IMMP2L: variants seen among roughly 807,000 people sequenced by gnomAD.
IMMP2L encodes inner mitochondrial membrane peptidase subunit 2.
IMMP2L carries 18 observed loss-of-function variants against 19.3 expected under a neutral mutation model. That is an observed-to-expected ratio of 0.93 (90% confidence interval 0.64 to 1.38). IMMP2L has a LOEUF of 1.38. Ranked by LOEUF, IMMP2L falls within the 40% of genes most tolerant of loss-of-function variation. The probability of loss-of-function intolerance (pLI) is 0.00; values close to 1 mark genes in which losing one functional copy is unlikely to be tolerated. For missense variants in IMMP2L, 233 were observed against 218.2 expected, an observed-to-expected ratio of 1.07 and a Z score of -0.43; for synonymous variants, 76 against 73.0, an observed-to-expected ratio of 1.04 and a Z score of -0.21.
chr7:111,234,102 AATCTTGATGTGTT>A (rs1184627378), intron 3 of IMMP2L, among the ~76,000 whole-genome samples: 5 of 152,066 alleles, frequency 3.3e-5, no homozygotes, highest in African/African-American at 1.2e-4. Flanking sequence ...ACATCCCACA[AATCTTGATGTGTT>A]TTCATTTTCA....
In IMMP2L at chr7:110,758,565, C is replaced by T. The variant is rs1259528755; in HGVS notation, c.409-94844G>A. Among the ~76,000 whole-genome samples, 2 of 152,012 alleles carry T rather than the reference C, an allele frequency of 1.3e-5. No homozygotes were observed. Among genetic ancestry groups the T allele is most frequent in the East Asian group, 3.9e-4 (2 of 5,162 alleles). ...CCTGGCTATGAGCAAGAAGAGGTCT[C>T]AGGGCATGTGACATTGAGCTATTTA... On this transcript the variant is annotated intron_variant, in intron 5 of 5. Coordinates refer to ENST00000405709, the MANE Select transcript of IMMP2L (RefSeq NM_032549.4). This position sits in a 1 kb window ranked among gnomAD's most constrained non-coding sequence, Gnocchi z 4.6.
At chr7:110,820,381 T>G (rs1231243365) in intron 5 of IMMP2L, among the ~76,000 whole-genome samples, 1 of 152,050 alleles carries the variant, frequency 6.6e-6, no homozygotes, top group Admixed American at 6.6e-5. Flanking sequence ...AAATCTCTTC[T>G]TATGTGTTTA....
chr7:111,033,147 A>G (rs1791003312), intron 3 of IMMP2L, among the ~76,000 whole-genome samples: 1 of 152,218 alleles, frequency 6.6e-6, no homozygotes, highest in African/African-American at 2.4e-5. Context: ...AAATAAGTAA[A>G]TAGATAAATA....
chr7:111,186,053 A>G (rs2129611978), intron 3 of IMMP2L, among the ~76,000 whole-genome samples: 1 of 152,328 alleles, frequency 6.6e-6, no homozygotes, highest in African/African-American at 2.4e-5. Flanking sequence ...AATATATAAT[A>G]ACATCACAAA....
chr7:110,853,463 G>A (rs1806448468), intron 5 of IMMP2L, among the ~76,000 whole-genome samples: 1 of 152,006 alleles, frequency 6.6e-6, no homozygotes. Flanking sequence ...GAAGTAATTA[G>A]GATAGCAATT....
At chr7:111,045,656 T>A (rs1359187675) in intron 3 of IMMP2L, among the ~76,000 whole-genome samples, 1 of 152,132 alleles carries the variant, frequency 6.6e-6, no homozygotes, top group Non-Finnish European at 1.5e-5. Flanking sequence ...TATGAACCAC[T>A]GCTGGCTTTG....
At chr7:111,233,484 T>C (rs1457149063) in intron 3 of IMMP2L, among the ~76,000 whole-genome samples, 1 of 152,082 alleles carries the variant, frequency 6.6e-6, no homozygotes, top group East Asian at 1.9e-4. Flanking sequence ...ATAATTTCAC[T>C]GAGATGATTT....
intron 3 of IMMP2L, among the ~76,000 whole-genome samples, chr7:111,443,961 A>G (rs7778757): frequency 0.011 from 1,613 of 152,254 alleles, 35 homozygotes; most frequent in African/African-American, 0.036. Context: ...CACAGGGTAT[A>G]TAATTTCAAA....
At chr7:110,731,662 T>A (rs1796284015) in intron 5 of IMMP2L, among the ~76,000 whole-genome samples, 1 of 152,088 alleles carries the variant, frequency 6.6e-6, no homozygotes, top group Non-Finnish European at 1.5e-5. Flanking sequence ...AATACAACCA[T>A]GAAAAAATGC....
intron 3 of IMMP2L, among the ~76,000 whole-genome samples, chr7:111,282,242 T>A (rs543484627): frequency 6.6e-6 from 1 of 152,316 alleles, no homozygotes; most frequent in East Asian, 1.9e-4. Flanking sequence ...ACTGTTCTGG[T>A]CTCCCGTGAA....
At chr7:111,368,002 T>A (rs1467171228) in intron 3 of IMMP2L, among the ~76,000 whole-genome samples, 1 of 151,460 alleles carries the variant, frequency 6.6e-6, no homozygotes, top group East Asian at 1.9e-4. Context: ...AAGGAAAAGG[T>A]ATTATTAAGT....
At chr7:111,105,051 G>A (rs1251827515) in intron 3 of IMMP2L, among the ~76,000 whole-genome samples, 1 of 151,802 alleles carries the variant, frequency 6.6e-6, no homozygotes, top group East Asian at 1.9e-4. Context: ...AATTCCAGAA[G>A]CTCCCAGTCC....
At chr7:111,003,870 C>T (rs992295841) in intron 3 of IMMP2L, among the ~76,000 whole-genome samples, 2 of 152,110 alleles carry the variant, frequency 1.3e-5, no homozygotes, top group Non-Finnish European at 2.9e-5. Context: ...GAATGTATAT[C>T]TAATTTTATC....
chr7:111,421,884 A>G (rs1374282600), intron 3 of IMMP2L, among the ~76,000 whole-genome samples: 1 of 151,686 alleles, frequency 6.6e-6, no homozygotes, highest in East Asian at 1.9e-4. Context: ...ATCCATCTTG[A>G]ATTAATTTTT....
chr7:111,135,858 A>G (rs1451664876), intron 3 of IMMP2L, among the ~76,000 whole-genome samples: 1 of 152,138 alleles, frequency 6.6e-6, no homozygotes, highest in African/African-American at 2.4e-5. Flanking sequence ...AATCCAGACT[A>G]GAGCTGCCCA....
At chr7:110,791,542 A>T (rs1157422049) in intron 5 of IMMP2L, among the ~76,000 whole-genome samples, 1 of 151,548 alleles carries the variant, frequency 6.6e-6, no homozygotes, top group Non-Finnish European at 1.5e-5. Context: ...CATTTTTGAG[A>T]TTTTCAGGGA....
chr7:110,726,121 A>G (rs557296476), intron 5 of IMMP2L, among the ~76,000 whole-genome samples: 5 of 152,296 alleles, frequency 3.3e-5, no homozygotes, highest in Admixed American at 3.3e-4. Flanking sequence ...TCCTATATCA[A>G]ACTGCCTCTC....
intron 3 of IMMP2L, among the ~76,000 whole-genome samples, chr7:111,194,741 T>C (rs1809288702): frequency 6.6e-6 from 1 of 152,168 alleles, no homozygotes; most frequent in African/African-American, 2.4e-5. Context: ...AAAATTTCCT[T>C]TATAAATTAT....
intron 3 of IMMP2L, among the ~76,000 whole-genome samples, chr7:111,475,610 A>T (rs1051081349): frequency 6.6e-6 from 1 of 152,116 alleles, no homozygotes. Context: ...TCTTAAGTTG[A>T]CAAGAGATAT....
Sources: gnomAD v4.1 joint callset for allele counts (sites outside exome capture counted in the v4.1 genomes callset) on GRCh38, gnomAD v4.1.1 for gene constraint, Gnocchi (gnomAD v3.1) non-coding constraint, MANE v1.5 for transcripts, NCBI Gene and HGNC (gene_info 2026-07-23, HGNC 2026-07-21) for gene names.